Variants in PTPRG observed in about 807,000 individuals in gnomAD.
The protein encoded by PTPRG is receptor-type tyrosine-protein phosphatase gamma.
In PTPRG, 102 loss-of-function variants were observed where a neutral mutation model predicts 165.3. The observed-to-expected ratio is 0.62, with a 90% CI of 0.53 to 0.73. The LOEUF is 0.73. Among genes scored for constraint, PTPRG ranks in the 30% least tolerant of loss-of-function variants. The pLI, the probability that PTPRG is intolerant of heterozygous loss-of-function variation, is 0.00. For synonymous variants in PTPRG, 675 were observed against 669.5 expected (o/e 1.01, Z -0.13); for missense variants, 1,866 against 1,861.4 (o/e 1.00, Z -0.05).
In PTPRG at chr3:62,292,415, C is replaced by G; in HGVS notation, c.4056-6C>G. The G allele has an allele frequency of 6.3e-7, 1 of 1,591,262 alleles. No individual in the cohort carries two copies. Among genetic ancestry groups the G allele is most frequent in the Non-Finnish European group, 8.5e-7 (1 of 1,173,026 alleles). On this transcript the variant is annotated splice_region_variant and splice_polypyrimidine_tract_variant and intron_variant, in intron 28 of 29. Coordinates refer to ENST00000474889, the MANE Select transcript of PTPRG (RefSeq NM_002841.4). ...TGAAATCGTATCTTTTTTTTTTCTC[C>G]CCCAGGTATGGAGCAGTTTCAGCAG...
At chr3:62,101,093 T>G in intron 5 of PTPRG, among the ~76,000 whole-genome samples, 1 of 152,330 alleles carries the variant, frequency 6.6e-6, no homozygotes, top group East Asian at 1.9e-4. Context: ...TGCTTCAGCA[T>G]AATTGGAGGA....
At chr3:61,961,915 A>G (rs1452135878) in intron 2 of PTPRG, among the ~76,000 whole-genome samples, 1 of 152,118 alleles carries the variant, frequency 6.6e-6, no homozygotes, top group Non-Finnish European at 1.5e-5. Flanking sequence ...GAGAAGCATT[A>G]TTTCAGACAC....
rs146779656 is a variant in PTPRG at position 62,224,036 on chromosome 3, C to T, written c.2288+5053C>T. On this transcript the variant is annotated intron_variant, in intron 13 of 29. Transcript: ENST00000474889. The surrounding 1 kb of genome is among the most constrained non-coding windows in gnomAD (Gnocchi z 4.9). ...TAGGTTAACCAACTGAGCAGAACCA[C>T]TTTGGGCCAAAAAAGGAAAGGGGTG... 0.01 allele frequency among the ~76,000 whole-genome samples: 1,530 copies of T among 152,188 alleles called. 25 individuals carry two copies. The highest frequency in any genetic ancestry group is 0.035 in the African/African-American group (1,448 of 41,528).
chr3:61,709,994 A>T (rs978782842), intron 1 of PTPRG, among the ~76,000 whole-genome samples: 6 of 152,188 alleles, frequency 3.9e-5, no homozygotes, highest in African/African-American at 1.2e-4. Flanking sequence ...CACTAGAAGT[A>T]ACATTGAGCT....
In PTPRG at chr3:61,562,204, C is replaced by G. The variant is rs1348269075; in HGVS notation, c.-84C>G. ...CGGGCGAGCCGGGGAAGCGCCCCGGCTTAGCGGAGGCTCGCACGGAGGCAA... is the reference window on the plus strand; with the variant it reads ...CGGGCGAGCCGGGGAAGCGCCCCGGGTTAGCGGAGGCTCGCACGGAGGCAA... On this transcript the variant is annotated 5_prime_UTR_variant, in exon 1 of 30. Coordinates refer to ENST00000474889, the MANE Select transcript of PTPRG (RefSeq NM_002841.4). The G allele has an allele frequency of 1.5e-6, 2 of 1,320,794 alleles. No homozygotes were observed. Among genetic ancestry groups the G allele is most frequent in the Admixed American group, 1.7e-5 (1 of 58,710 alleles). The allele number at this position is 1,320,794 out of a possible 1,614,324, so 81.8% of individuals were successfully genotyped here.
chr3:61,985,342 G>C (rs988100273), intron 2 of PTPRG, among the ~76,000 whole-genome samples: 2 of 152,138 alleles, frequency 1.3e-5, no homozygotes, highest in Non-Finnish European at 2.9e-5. Flanking sequence ...GCACCCACCT[G>C]CCTTAGCCGT....
At chr3:61,732,740 AT>A (rs1221958807) in intron 1 of PTPRG, among the ~76,000 whole-genome samples, 2 of 128,436 alleles carry the variant, frequency 1.6e-5, no homozygotes, top group African/African-American at 3.0e-5. Flanking sequence ...AAATAAATAA[AT>A]AAATAAATAA....
intron 1 of PTPRG, among the ~76,000 whole-genome samples, chr3:61,676,344 C>A (rs1236622422): frequency 1.3e-5 from 2 of 148,992 alleles, no homozygotes; most frequent in Non-Finnish European, 3.0e-5. Flanking sequence ...GAAATCCCAG[C>A]TACTCGGGAG....
chr3:62,006,773 A>C (rs2041307739), intron 4 of PTPRG, among the ~76,000 whole-genome samples: 1 of 152,084 alleles, frequency 6.6e-6, no homozygotes, highest in Non-Finnish European at 1.5e-5. Context: ...ATTACTTTCT[A>C]GTTGGTAGAG....
At chr3:61,720,026 GCAC>G (rs1268640995) in intron 1 of PTPRG, among the ~76,000 whole-genome samples, 1 of 151,990 alleles carries the variant, frequency 6.6e-6, no homozygotes, top group African/African-American at 2.4e-5. Flanking sequence ...TTTCTCCTGG[GCAC>G]CATTTGTCAT....
intron 1 of PTPRG, among the ~76,000 whole-genome samples, chr3:61,676,690 C>T (rs1457791975): frequency 6.6e-6 from 1 of 151,948 alleles, no homozygotes. Flanking sequence ...ATAGTTAATG[C>T]ATGGTGTGTA....
intron 1 of PTPRG, among the ~76,000 whole-genome samples, chr3:61,605,569 T>A (rs919677474): frequency 3.1e-4 from 26 of 83,730 alleles, no homozygotes; most frequent in African/African-American, 7.3e-4. Flanking sequence ...TTTTTTATTT[T>A]TTTGTTTTTT....
intron 2 of PTPRG, among the ~76,000 whole-genome samples, chr3:61,795,802 T>C (rs2035028394): frequency 6.6e-6 from 1 of 152,180 alleles, no homozygotes; most frequent in Non-Finnish European, 1.5e-5. Flanking sequence ...ACTTTAGAAC[T>C]TTGTATATAC....
At chr3:61,721,035 T>C (rs187912781) in intron 1 of PTPRG, among the ~76,000 whole-genome samples, 2 of 152,328 alleles carry the variant, frequency 1.3e-5, no homozygotes, top group African/African-American at 4.8e-5. Context: ...GTGATTGTCT[T>C]ACAGGATTAT....
chr3:62,119,580 C>T (rs1702986264), intron 5 of PTPRG, among the ~76,000 whole-genome samples: 1 of 151,896 alleles, frequency 6.6e-6, no homozygotes, highest in African/African-American at 2.4e-5. Context: ...AGCTTTTACG[C>T]TGGCATGGGT....
intron 1 of PTPRG, among the ~76,000 whole-genome samples, chr3:61,745,768 G>C (rs141066142): frequency 6.6e-6 from 1 of 152,302 alleles, no homozygotes; most frequent in Non-Finnish European, 1.5e-5. Flanking sequence ...GGGTTGGTTG[G>C]TTGGTTTTAA....
At chr3:62,033,595 G>A (rs961888233) in intron 4 of PTPRG, among the ~76,000 whole-genome samples, 11 of 141,310 alleles carry the variant, frequency 7.8e-5, no homozygotes, top group Non-Finnish European at 1.6e-4. Context: ...GAATTCCTAG[G>A]CTCAAGCAAT....
At chr3:62,098,689 G>A (rs866934416) in intron 5 of PTPRG, among the ~76,000 whole-genome samples, 1 of 152,198 alleles carries the variant, frequency 6.6e-6, no homozygotes, top group Non-Finnish European at 1.5e-5. Flanking sequence ...AGGAAACCTG[G>A]TTTTTCTGTA....
At chr3:61,920,212 C>G (rs2039043759) in intron 2 of PTPRG, among the ~76,000 whole-genome samples, 1 of 152,178 alleles carries the variant, frequency 6.6e-6, no homozygotes, top group Non-Finnish European at 1.5e-5. Flanking sequence ...CCAACCATAT[C>G]TGTATCTCCA....
Sources: gnomAD v4.1 joint callset for allele counts (sites outside exome capture counted in the v4.1 genomes callset) on GRCh38, gnomAD v4.1.1 for gene constraint, Gnocchi (gnomAD v3.1) non-coding constraint, MANE v1.5 for transcripts, NCBI Gene and HGNC (gene_info 2026-07-23, HGNC 2026-07-21) for gene names.